The following ABHD5 variants were observed in gnomAD, a reference collection of about 807,000 sequenced individuals.
ABHD5 encodes 1-acylglycerol-3-phosphate O-acyltransferase ABHD5.
A neutral mutation model predicts 44.9 loss-of-function variants in ABHD5; 30 were observed. The observed-to-expected ratio is 0.67, with a 90% confidence interval of 0.50 to 0.91. The LOEUF is 0.91. Among genes scored for constraint, ABHD5 ranks in the 40% least tolerant of loss-of-function variants. ABHD5 has a pLI of 0.00. For missense variants in ABHD5, 399 were observed against 423.4 expected, an observed-to-expected ratio of 0.94 and a Z score of 0.50; for synonymous variants, 167 against 147.0, an observed-to-expected ratio of 1.14 and a Z score of -0.99.
At chr3:43,713,567 C>G (rs1374341677) in intron 4 of ABHD5, among the ~76,000 whole-genome samples, 2 of 152,020 alleles carry the variant, frequency 1.3e-5, no homozygotes, top group African/African-American at 4.8e-5. Context: ...TTGGTGACCA[C>G]ACTTTATTGC....
Position 43,721,033 on chromosome 3 carries a change from TAAA to T in ABHD5, c.*2503_*2505del. The T allele has an allele frequency of 6.6e-6, 1 of 151,782 alleles. No individual in the cohort carries two copies. Among genetic ancestry groups the T allele is most frequent in the African/African-American group, 2.4e-5 (1 of 41,318 alleles). 9.4% of individuals were successfully genotyped at this position (151,782 alleles called of 1,614,324 possible). A position where few individuals can be genotyped will look rare whatever the true frequency, so the allele number is the denominator to read the frequency against. ...CTTAAAGGGCCATACGCGATTTCAA[TAAA>T]ACAAGAAGTACTGGAAAGAATAAAC... On this transcript the variant is annotated 3_prime_UTR_variant, in exon 7 of 7. Transcript: ENST00000644371.
chr3:43,691,492 C>G (rs1443244531), intron 1 of ABHD5: 1 of 153,438 alleles, frequency 6.5e-6, no homozygotes, highest in East Asian at 1.9e-4. Context: ...AGCCTCCCAT[C>G]GCGGCTTCCG....
At chr3:43,729,426 C>G (rs1285480336) in intron 7 of ABHD5, among the ~76,000 whole-genome samples, 1 of 152,152 alleles carries the variant, frequency 6.6e-6, no homozygotes, top group African/African-American at 2.4e-5. Context: ...AGGGATAGGA[C>G]TGGGTAAATT....
At chr3:43,691,076 G>A (rs750452173) in intron 1 of ABHD5, 37 bp downstream of exon 1, 3 of 1,514,608 alleles carry the variant, frequency 2.0e-6, no homozygotes, top group African/African-American at 2.9e-5. Context: ...TGTGTCTCCG[G>A]CGCGCACCCT....
intron 2 of ABHD5, among the ~76,000 whole-genome samples, chr3:43,700,740 A>ATTTTTTTTTTTTTTTTTTTTTT (rs1361660825): frequency 2.2e-4 from 33 of 151,178 alleles, no homozygotes; most frequent in Admixed American, 7.2e-4. Flanking sequence ...TACCCAGCTA[A>ATTTTTTTTTTTTTTTTTTTTTT]TTTTTGTATT....
At chr3:43,715,179 A>G (rs1473599179) in intron 5 of ABHD5, 121 bp downstream of exon 5, 9 of 732,768 alleles carry the variant, frequency 1.2e-5, no homozygotes, top group African/African-American at 3.6e-5. Context: ...TATTCATTCA[A>G]TACGGGGTTT....
At position 43,702,018 on chromosome 3, in the gene ABHD5, C is replaced by A. The variant is rs9862268; in HGVS notation, c.134-197C>A. 14,750 of 547,784 alleles carry A rather than the reference C, an allele frequency of 0.027. 1,577 individuals are homozygous for A. Among genetic ancestry groups the A allele is most frequent in the African/African-American group, 0.24 (12,638 of 52,896 alleles). 33.9% of individuals were successfully genotyped at this position (547,784 alleles called of 1,614,324 possible). A position where few individuals can be genotyped will look rare whatever the true frequency, so the allele number is the denominator to read the frequency against. ...TTGAGGTTTGTCTGAGGTAGGTCTT[C>A]CCCTTTAGGTGTAAAACATGGTCAT... is the stretch of plus-strand genomic sequence containing the variant. On this transcript the variant is annotated intron_variant, in intron 2 of 6. Coordinates refer to ENST00000644371, the MANE Select transcript of ABHD5 (RefSeq NM_016006.6).
chr3:43,727,594 C>T (rs2149611824), downstream of ABHD5, among the ~76,000 whole-genome samples: 1 of 152,080 alleles, frequency 6.6e-6, no homozygotes, highest in East Asian at 1.9e-4. Flanking sequence ...TGTATTTGTA[C>T]TACTGTTTTT....
At chr3:43,701,993 T>TG in intron 2 of ABHD5, 1 of 491,686 alleles carries the variant, frequency 2.0e-6, no homozygotes. Context: ...CACAGGTTAC[T>TG]TGAGGTTTGT....
intron 3 of ABHD5, among the ~76,000 whole-genome samples, chr3:43,707,091 G>A (rs765917492): frequency 1.3e-5 from 2 of 152,130 alleles, no homozygotes; most frequent in Non-Finnish European, 2.9e-5. Context: ...ACAGGCGTGA[G>A]CCACTGCACC....
rs1416954082 is a variant in ABHD5, at chr3:43,699,513, A to G, written c.133+152A>G. ...TTCCTTGTCATTAGAAAGTACAGAAATGAATGTCGGGGGCTGGCAGGTAGG... is the reference window on the plus strand; with the variant it reads ...TTCCTTGTCATTAGAAAGTACAGAAGTGAATGTCGGGGGCTGGCAGGTAGG... On this transcript the variant is annotated intron_variant, in intron 2 of 6. Coordinates refer to ENST00000644371, the MANE Select transcript of ABHD5 (RefSeq NM_016006.6). The G allele has an allele frequency of 6.0e-5, 48 of 795,868 alleles. No individual in the cohort carries two copies. The South Asian group carries it at 7.2e-4, about 12-fold the overall frequency. 49.3% of individuals were successfully genotyped at this position (795,868 alleles called of 1,614,324 possible).
intron 3 of ABHD5, among the ~76,000 whole-genome samples, chr3:43,704,033 C>CTTTT (rs10544525): frequency 2.8e-4 from 24 of 84,838 alleles, no homozygotes; most frequent in Admixed American, 4.9e-4. Flanking sequence ...TCTTTATTTT[C>CTTTT]TTTTTTTTTT....
chr3:43,732,217 G>C (rs778112582), intron 7 of ABHD5, among the ~76,000 whole-genome samples: 6 of 152,260 alleles, frequency 3.9e-5, no homozygotes, highest in African/African-American at 9.6e-5. Flanking sequence ...GATAACTTGA[G>C]ATCAAGAGTT....
At chr3:43,692,571 G>A (rs1286553194) in intron 1 of ABHD5, among the ~76,000 whole-genome samples, 1 of 152,172 alleles carries the variant, frequency 6.6e-6, no homozygotes, top group Non-Finnish European at 1.5e-5. Flanking sequence ...GACAGAAGTG[G>A]GCTTCGCTGG....
At chr3:43,734,146 C>T (rs1417813677) in exon 8 of ABHD5, 1 of 152,228 alleles carries the variant, frequency 6.6e-6, no homozygotes, top group Non-Finnish European at 1.5e-5. Context: ...GGAAGATGTC[C>T]CCTAGTGGCT....
intron 3 of ABHD5, among the ~76,000 whole-genome samples, chr3:43,708,993 G>C (rs537306014): frequency 6.6e-6 from 1 of 152,222 alleles, no homozygotes; most frequent in Admixed American, 6.5e-5. Context: ...AATGGATTTT[G>C]TTACCGAATA....
intron 3 of ABHD5, among the ~76,000 whole-genome samples, chr3:43,710,813 A>T (rs2084679531): frequency 6.6e-6 from 1 of 152,170 alleles, no homozygotes; most frequent in Non-Finnish European, 1.5e-5. Context: ...TTACAGTTGA[A>T]CATTGTATTG....
At chr3:43,713,882 A>T (rs1382730721) in intron 4 of ABHD5, among the ~76,000 whole-genome samples, 1 of 151,910 alleles carries the variant, frequency 6.6e-6, no homozygotes, top group Non-Finnish European at 1.5e-5. Context: ...TGGGGAGGTG[A>T]TGTAGAATCA....
rs1350135603 is a variant in ABHD5 at position 43,720,027 on chromosome 3, A to G, written c.*1495A>G. On this transcript the variant is annotated 3_prime_UTR_variant, in exon 7 of 7. Coordinates refer to ENST00000644371, the MANE Select transcript of ABHD5 (RefSeq NM_016006.6). ...ACATTTCTCCCCTATAAAAGAATAG[A>G]CAAATTATACTGAAGCATGATATAA... 1.3e-5 allele frequency: 2 copies of G among 152,360 alleles called. No individual in the cohort carries two copies. Among genetic ancestry groups the G allele is most frequent in the East Asian group, 3.9e-4 (2 of 5,190 alleles). The allele number at this position is 152,360 out of a possible 1,614,324, so 9.4% of individuals were successfully genotyped here.
Sources: gnomAD v4.1 joint callset for allele counts (sites outside exome capture counted in the v4.1 genomes callset) on GRCh38, gnomAD v4.1.1 for gene constraint, MANE v1.5 for transcripts, NCBI Gene and HGNC (gene_info 2026-07-23, HGNC 2026-07-21) for gene names.